Variants in AATK observed in about 807,000 individuals in gnomAD.
AATK encodes lemur tail kinase 1.
In AATK, 91 loss-of-function variants were observed where a neutral mutation model predicts 114.3. The observed-to-expected ratio is 0.80, with a 90% CI of 0.67 to 0.95. The LOEUF is 0.95. Among genes scored for constraint, AATK ranks in the 40% least tolerant of loss-of-function variants. The probability of loss-of-function intolerance (pLI) is 0.00; values close to 1 mark genes in which losing one functional copy is unlikely to be tolerated. For synonymous variants in AATK, 1,075 were observed against 916.5 expected, an observed-to-expected ratio of 1.17 and a Z score of -3.12; for missense variants, 2,176 against 1,965.2, an observed-to-expected ratio of 1.11 and a Z score of -2.03.
chr17:81,124,905 G>GGGCCCC, intron 8 of AATK, 25 bp downstream of exon 8: 188 of 1,500,454 alleles, frequency 1.3e-4, no homozygotes, highest in Non-Finnish European at 1.6e-4. Flanking sequence ...CTCATGCCCA[G>GGGCCCC]CCCAGCCCAC....
At chr17:81,129,177 G>T (rs1013875262) in intron 3 of AATK, among the ~76,000 whole-genome samples, 1 of 152,246 alleles carries the variant, frequency 6.6e-6, no homozygotes, top group East Asian at 1.9e-4. Flanking sequence ...CACGTCAACT[G>T]CCCAGAGGGC....
chr17:81,136,267 A>G (rs1209513754), intron 1 of AATK: 1 of 152,300 alleles, frequency 6.6e-6, no homozygotes, highest in African/African-American at 2.4e-5. Context: ...GAAGGAACCT[A>G]TCTGTGGCCT....
chr17:81,138,640 C>T (rs2061068331), intron 1 of AATK, among the ~76,000 whole-genome samples: 1 of 109,944 alleles, frequency 9.1e-6, no homozygotes, highest in Non-Finnish European at 2.1e-5. Context: ...CATATCCACA[C>T]ATCCACACAT....
chr17:81,119,908 T>G, intron 12 of AATK, 28 bp downstream of exon 12: 5 of 1,409,216 alleles, frequency 3.5e-6, no homozygotes, highest in Non-Finnish European at 4.6e-6. Flanking sequence ...TCCCGTGACG[T>G]CACGGGCCCA....
Position 81,122,810 on chromosome 17 carries a change from GC to G in AATK, c.1125del (p.Met375IlefsTer92), listed in dbSNP as rs2060716318. ...TGCTCGGGCTGCAGCCAGCAGAACT[GC>G]ATCACCTCGTACCTGCGAGGAGGTC... ...LTLSDRWYEVMQFCWLQPEQR... is the reference protein window; with the variant it reads ...LTLSDRWYEVXQFCWLQPEQR... On this transcript the variant is annotated frameshift_variant, in exon 11 of 14. Transcript: ENST00000326724. LOFTEE classifies it high-confidence loss of function. 6.4e-7 allele frequency: 1 copy of G among 1,562,536 alleles called. No individual in the cohort carries two copies. The highest frequency in any genetic ancestry group is 1.9e-5 in the Admixed American group (1 of 52,810).
rs931507958 is a variant in AATK at position 81,155,840 on chromosome 17, C to G, written c.55+10098G>C. On this transcript the variant is annotated intron_variant, in intron 1 of 13. Transcript: ENST00000326724. ...AGCTGGGGCTACAGGTGTGTACCAC[C>G]ATGCCTGGCTAATTTTTTATTTTTT... Among the ~76,000 whole-genome samples, 3 of 152,072 alleles carry G rather than the reference C, an allele frequency of 2.0e-5. No individual in the cohort carries two copies. The East Asian group carries it at 5.8e-4, about 29-fold the overall frequency.
At chr17:81,129,214 G>A (rs1598926320) in intron 3 of AATK, among the ~76,000 whole-genome samples, 1 of 152,236 alleles carries the variant, frequency 6.6e-6, no homozygotes, top group African/African-American at 2.4e-5. Context: ...GAGCCTGGCT[G>A]CCAGGAGAGC....
At chr17:81,134,312 G>T in intron 2 of AATK, 56 bp downstream of exon 2, 1 of 1,595,934 alleles carries the variant, frequency 6.3e-7, no homozygotes, top group Non-Finnish European at 8.5e-7. Context: ...TCAAGTGGAC[G>T]CTACAGGCCT....
chr17:81,129,138 G>A (rs373799983), intron 3 of AATK, among the ~76,000 whole-genome samples: 4 of 152,222 alleles, frequency 2.6e-5, no homozygotes, highest in Non-Finnish European at 2.9e-5. Flanking sequence ...GCCTGCCCAC[G>A]CCCCGAGGGA....
chr17:81,126,551 T>C lies in AATK; in HGVS notation c.631A>G (p.Lys211Glu). The change falls in exon 7 of 14, where the codon AAG becomes GAG. Residue 211 changes from lysine (K) to glutamate (E), a missense_variant. Lys to Glu is a moderately conservative substitution (Grantham distance 56). Transcript: ENST00000326724. The surrounding 1 kb of genome is among the most constrained non-coding windows in gnomAD (Gnocchi z 5.1). ...ACCCGGCAGCTCCGCAGGTAGCCCT[T>C]GAGGTCCCCCTGCAGAAAGGGGGTG... Reference protein sequence around the residue: ...VMEFCPLGDLKGYLRSCRVAE... With the variant: ...VMEFCPLGDLEGYLRSCRVAE... The C allele has an allele frequency of 6.5e-7, 1 of 1,543,114 alleles. No homozygotes were observed. The highest frequency in any genetic ancestry group is 8.8e-7 in the Non-Finnish European group (1 of 1,141,222).
intron 7 of AATK, chr17:81,125,798 G>T: frequency 2.3e-6 from 1 of 430,488 alleles, no homozygotes; most frequent in Non-Finnish European, 4.8e-6. Context: ...TGTGTCCTGG[G>T]CCTAGGGGGT....
intron 1 of AATK, among the ~76,000 whole-genome samples, chr17:81,146,772 C>G (rs544400112): frequency 6.6e-6 from 1 of 151,874 alleles, no homozygotes; most frequent in East Asian, 1.9e-4. Context: ...AAATGTTCAG[C>G]CTTGATCATA....
intron 4 of AATK, among the ~76,000 whole-genome samples, 155 bp from the exon 5 acceptor site, chr17:81,128,065 C>G (rs893678761): frequency 3.9e-5 from 6 of 152,140 alleles, no homozygotes; most frequent in East Asian, 1.9e-4. Context: ...GGTATGGCTT[C>G]CGGATCCCTC....
chr17:81,137,952 G>A lies in AATK; in HGVS notation c.56-3451C>T, dbSNP rs553794058. Among the ~76,000 whole-genome samples, 473 of 140,600 alleles carry A rather than the reference G, an allele frequency of 3.4e-3. 1 individual carries two copies. The highest frequency in any genetic ancestry group is 4.9e-3 in the African/African-American group (184 of 37,768). The allele number at this position is 140,600 out of a possible 152,430, so 92.2% of individuals were successfully genotyped here. A position where few individuals can be genotyped will look rare whatever the true frequency, so the allele number is the denominator to read the frequency against. On this transcript the variant is annotated intron_variant, in intron 1 of 13. Coordinates refer to ENST00000326724, the MANE Select transcript of AATK (RefSeq NM_001080395.3). ...GCCACACGCACACATCCACACGCAC[G>A]CACACATCCACACACACGCAGACAC...
chr17:81,126,517 GA>G lies in AATK; in HGVS notation c.664del (p.Ser222ProfsTer44). On this transcript the variant is annotated frameshift_variant, in exon 7 of 14. Coordinates refer to ENST00000326724, the MANE Select transcript of AATK (RefSeq NM_001080395.3). LOFTEE classifies it high-confidence loss of function. The surrounding 1 kb of genome is among the most constrained non-coding windows in gnomAD (Gnocchi z 5.1). ...CAGGGTCCGGGGGTCGGGAGCCATGGACTCCGCCACCCGGCAGCTCCGCAGG... is the reference window on the plus strand; with the variant it reads ...CAGGGTCCGGGGGTCGGGAGCCATGGCTCCGCCACCCGGCAGCTCCGCAGG... The part of the protein sequence containing the change: ...GYLRSCRVAE[S>X]MAPDPRTLQR... 1 of 1,549,530 alleles carries G rather than the reference GA, an allele frequency of 6.5e-7. No individual in the cohort carries two copies. Among genetic ancestry groups the G allele is most frequent in the South Asian group, 1.2e-5 (1 of 84,094 alleles).
chr17:81,162,715 C>T (rs886572173), intron 1 of AATK, among the ~76,000 whole-genome samples: 5 of 152,210 alleles, frequency 3.3e-5, no homozygotes, highest in Admixed American at 2.6e-4. Context: ...GAGCGAGCAC[C>T]GTGGCCAGGC....
chr17:81,121,929 C>A lies in AATK; in HGVS notation c.2007G>T (p.Ala669=), dbSNP rs1273806252. 4.4e-6 allele frequency: 7 copies of A among 1,600,660 alleles called. No individual in the cohort carries two copies. The highest frequency in any genetic ancestry group is 5.9e-6 in the Non-Finnish European group (7 of 1,178,332). Residue 669 remains alanine, a synonymous_variant, in exon 11 of 14, where the codon GCG becomes GCT. Coordinates refer to ENST00000326724, the MANE Select transcript of AATK (RefSeq NM_001080395.3). ...TGEDELEEVG[A]RRAAQRGHWR... is the part of the protein sequence containing the mutation. Reference sequence around the variant, plus strand: ...AGTGCCCGCGCTGGGCGGCCCTCCGCGCTCCCACCTCCTCTAGCTCATCCT... The same window carrying A: ...AGTGCCCGCGCTGGGCGGCCCTCCGAGCTCCCACCTCCTCTAGCTCATCCT...
intron 1 of AATK, chr17:81,165,596 A>AC (rs1598240534): frequency 2.9e-6 from 4 of 1,369,378 alleles, no homozygotes; most frequent in East Asian, 3.5e-5. Flanking sequence ...GCTGGCTGAC[A>AC]CCCCCCACAC....
intron 13 of AATK, among the ~76,000 whole-genome samples, 197 bp from the exon 14 acceptor site, chr17:81,118,639 C>T (rs984921578): frequency 6.6e-6 from 1 of 152,242 alleles, no homozygotes; most frequent in Non-Finnish European, 1.5e-5. Context: ...CAACTCTCAG[C>T]AAATGCCTCC....
Sources: allele counts gnomAD v4.1 joint callset (sites outside exome capture counted in the v4.1 genomes callset), GRCh38; gene constraint gnomAD v4.1.1; non-coding constraint Gnocchi (gnomAD v3.1); transcripts MANE v1.5; gene names NCBI Gene and HGNC (gene_info 2026-07-23, HGNC 2026-07-21).